STARD13: variants seen among roughly 807,000 people sequenced by gnomAD.
STARD13 encodes StAR related lipid transfer domain containing 13.
Under a neutral mutation model 106.4 loss-of-function variants are expected in STARD13, and 62 were observed. The observed-to-expected ratio is 0.58, with a 90% confidence interval of 0.48 to 0.72. The LOEUF (loss-of-function observed/expected upper bound fraction) is 0.72. Among genes scored for constraint, STARD13 ranks in the 30% least tolerant of loss-of-function variants. STARD13 has a pLI of 0.00. For synonymous variants in STARD13, 565 were observed against 553.0 expected, an observed-to-expected ratio of 1.02 and a Z score of -0.31; for missense variants, 1,387 against 1,424.0, an observed-to-expected ratio of 0.97 and a Z score of 0.42.
At chr13:33,631,176 C>T in the STARD13 span, among the ~76,000 whole-genome samples, 4 of 152,164 alleles carry the variant, frequency 2.6e-5, no homozygotes, top group Non-Finnish European at 5.9e-5. Context: ...CTCTTTCTTA[C>T]CCAATAATCT....
the STARD13 span, among the ~76,000 whole-genome samples, chr13:33,586,913 G>A: frequency 1.3e-5 from 2 of 152,074 alleles, no homozygotes; most frequent in Admixed American, 1.3e-4. Context: ...GAGTACCCCT[G>A]TTCAATTTTC....
intron 8 of STARD13, among the ~76,000 whole-genome samples, chr13:33,116,653 A>G (rs775516274): frequency 6.6e-6 from 1 of 152,256 alleles, no homozygotes; most frequent in East Asian, 1.9e-4. Flanking sequence ...GATTAAATGT[A>G]AAAGACTCAT....
the STARD13 span, among the ~76,000 whole-genome samples, chr13:33,370,766 C>A: frequency 6.6e-6 from 1 of 151,500 alleles, no homozygotes; most frequent in South Asian, 2.1e-4. Context: ...TTACAGGTGC[C>A]CACCACCATG....
At chr13:33,228,441 T>G (rs1008111591) in intron 1 of STARD13, among the ~76,000 whole-genome samples, 7 of 113,180 alleles carry the variant, frequency 6.2e-5, no homozygotes, top group Admixed American at 4.7e-4. Context: ...ATTTACAGTG[T>G]TTTTTTTTTG....
At chr13:33,579,980 G>GCT in the STARD13 span, among the ~76,000 whole-genome samples, 3 of 152,096 alleles carry the variant, frequency 2.0e-5, no homozygotes, top group Admixed American at 6.6e-5. Flanking sequence ...AAATGGTATA[G>GCT]CTGCTTGGGA....
chr13:33,141,083 A>AT (rs34040581), intron 4 of STARD13, among the ~76,000 whole-genome samples: 1 of 151,884 alleles, frequency 6.6e-6, no homozygotes, highest in East Asian at 1.9e-4. Flanking sequence ...TGATTCAAAG[A>AT]TTTTTTTCTC....
chr13:33,324,677 A>G (rs1893676400), intron 1 of STARD13, among the ~76,000 whole-genome samples: 1 of 152,166 alleles, frequency 6.6e-6, no homozygotes, highest in Admixed American at 6.5e-5. Flanking sequence ...TTTTCACTCA[A>G]TGTTAATGAA....
chr13:33,176,561 T>A (rs549895788), intron 1 of STARD13, among the ~76,000 whole-genome samples: 1 of 152,358 alleles, frequency 6.6e-6, no homozygotes, highest in African/African-American at 2.4e-5. Context: ...GGGATTTTTA[T>A]TTGCAGTTTG....
chr13:33,374,017 CA>C, the STARD13 span, among the ~76,000 whole-genome samples: 5 of 152,078 alleles, frequency 3.3e-5, no homozygotes, highest in African/African-American at 1.2e-4. Flanking sequence ...GCACAAGAAC[CA>C]AAATGTGGAA....
At chr13:33,234,105 G>T (rs1566089253) in intron 1 of STARD13, among the ~76,000 whole-genome samples, 1 of 152,150 alleles carries the variant, frequency 6.6e-6, no homozygotes, top group African/African-American at 2.4e-5. Context: ...CGTACAAATA[G>T]AAAAATATGC....
the STARD13 span, among the ~76,000 whole-genome samples, chr13:33,642,960 C>T: frequency 3.9e-5 from 6 of 152,016 alleles, no homozygotes; most frequent in Non-Finnish European, 8.8e-5. Flanking sequence ...ACAGAGTTTC[C>T]ACACAATAAA....
chr13:33,335,734 A>C (rs1188105139), intron 1 of STARD13, among the ~76,000 whole-genome samples: 1 of 152,262 alleles, frequency 6.6e-6, no homozygotes, highest in Non-Finnish European at 1.5e-5. Flanking sequence ...GCCAAGCCTC[A>C]CAACTACGGG....
chr13:33,137,192 G>A (rs1208008929), intron 4 of STARD13, among the ~76,000 whole-genome samples: 4 of 152,136 alleles, frequency 2.6e-5, no homozygotes, highest in Non-Finnish European at 5.9e-5. Flanking sequence ...ATCTTAGTCT[G>A]TGGCAGACTG....
At chr13:33,421,495 A>G in the STARD13 span, among the ~76,000 whole-genome samples, 1 of 152,234 alleles carries the variant, frequency 6.6e-6, no homozygotes, top group Non-Finnish European at 1.5e-5. Context: ...AGATGGATTC[A>G]CAGCCGAACT....
chr13:33,359,225 G>A, the STARD13 span, among the ~76,000 whole-genome samples: 1 of 152,244 alleles, frequency 6.6e-6, no homozygotes, highest in African/African-American at 2.4e-5. Context: ...GCTATGAGCT[G>A]TAACACTGCA....
chr13:33,341,975 G>T (rs2077966336), intron 1 of STARD13, among the ~76,000 whole-genome samples: 1 of 152,036 alleles, frequency 6.6e-6, no homozygotes, highest in Non-Finnish European at 1.5e-5. Flanking sequence ...ATTTTTAGTA[G>T]ATACGAGGTT....
chr13:33,539,886 C>T, the STARD13 span, among the ~76,000 whole-genome samples: 7 of 152,082 alleles, frequency 4.6e-5, no homozygotes, highest in African/African-American at 1.7e-4. Flanking sequence ...AAAAAGCAGG[C>T]CACAGACTGG....
intron 1 of STARD13, among the ~76,000 whole-genome samples, chr13:33,283,211 C>T (rs915562831): frequency 2.0e-5 from 3 of 152,056 alleles, no homozygotes; most frequent in Non-Finnish European, 4.4e-5. Flanking sequence ...TTGCTGTATC[C>T]TGAGTAGAAA....
upstream of STARD13, among the ~76,000 whole-genome samples, chr13:33,289,343 G>A (rs536462755): frequency 1.3e-5 from 2 of 152,302 alleles, no homozygotes; most frequent in South Asian, 2.1e-4. Flanking sequence ...AAAGGAAAGA[G>A]GAGAGAAGGG....
Sources: gnomAD v4.1 joint callset for allele counts (sites outside exome capture counted in the v4.1 genomes callset) on GRCh38, gnomAD v4.1.1 for gene constraint, MANE v1.5 for transcripts, NCBI Gene and HGNC (gene_info 2026-07-23, HGNC 2026-07-21) for gene names.